Variants in RNF150 observed in about 807,000 individuals in gnomAD.
RNF150 encodes the protein ring finger protein 150.
Under a neutral mutation model 39.3 loss-of-function variants are expected in RNF150, and 24 were observed. The observed-to-expected ratio is 0.61, with a 90% CI of 0.44 to 0.86. The LOEUF is 0.86. Among genes scored for constraint, RNF150 ranks in the 40% least tolerant of loss-of-function variants. The pLI is 0.00. For synonymous variants in RNF150, 255 were observed against 227.3 expected (o/e 1.12, Z -1.10); for missense variants, 502 against 587.8 (o/e 0.85, Z 1.51).
chr4:140,951,630 GATAC>G (rs1293617982), intron 2 of RNF150, among the ~76,000 whole-genome samples: 1 of 150,816 alleles, frequency 6.6e-6, no homozygotes, highest in Non-Finnish European at 1.5e-5. Context: ...AACTATAAGT[GATAC>G]ATATTGTAAG....
chr4:141,201,210 A>G (rs916815162), intron 1 of RNF150, among the ~76,000 whole-genome samples: 3 of 151,912 alleles, frequency 2.0e-5, no homozygotes, highest in Non-Finnish European at 4.4e-5. Context: ...TTATATCTGG[A>G]TGCATTCTGG....
At chr4:140,978,447 T>TGAGG (rs1733744456) in intron 1 of RNF150, among the ~76,000 whole-genome samples, 2 of 152,184 alleles carry the variant, frequency 1.3e-5, no homozygotes, top group Non-Finnish European at 1.5e-5. Context: ...CAGCTATACT[T>TGAGG]GAGGTGATCA....
chr4:140,966,768 A>T lies in RNF150; in HGVS notation c.735+855T>A, dbSNP rs144474572. Among the ~76,000 whole-genome samples, 9 of 152,308 alleles carry T rather than the reference A, an allele frequency of 5.9e-5. No homozygotes were observed. In the East Asian group the frequency reaches 1.7e-3, roughly 29 times the overall value. Reference sequence around the variant, plus strand: ...TTGGTTCAACATTTTTTGGCAGACAATGTGGCAGTATCTATCATAGTCTAA... The same window carrying T: ...TTGGTTCAACATTTTTTGGCAGACATTGTGGCAGTATCTATCATAGTCTAA... On this transcript the variant is annotated intron_variant, in intron 2 of 6. Coordinates refer to ENST00000515673, the MANE Select transcript of RNF150 (RefSeq NM_020724.2).
intron 1 of RNF150, among the ~76,000 whole-genome samples, chr4:141,071,169 G>A (rs1325053382): frequency 7.1e-6 from 1 of 140,510 alleles, no homozygotes; most frequent in African/African-American, 2.7e-5. Context: ...ACTCATAGGT[G>A]GGAACTGAAC....
chr4:141,035,868 C>T (rs1483183165), intron 1 of RNF150, among the ~76,000 whole-genome samples: 1 of 152,026 alleles, frequency 6.6e-6, no homozygotes, highest in Non-Finnish European at 1.5e-5. Flanking sequence ...AACACTGGGG[C>T]CAGGCCTGGG....
chr4:141,188,704 A>G (rs1172745324), intron 1 of RNF150, among the ~76,000 whole-genome samples: 1 of 152,232 alleles, frequency 6.6e-6, no homozygotes, highest in African/African-American at 2.4e-5. Flanking sequence ...TCTTCAGGTC[A>G]TTTATGCTCT....
chr4:141,199,527 C>T (rs151199837), intron 1 of RNF150, among the ~76,000 whole-genome samples: 1 of 152,126 alleles, frequency 6.6e-6, no homozygotes, highest in Non-Finnish European at 1.5e-5. Context: ...AGTAGAAACA[C>T]GCTACTGGTA....
intron 1 of RNF150, among the ~76,000 whole-genome samples, chr4:141,078,105 T>C (rs1052223567): frequency 3.9e-5 from 6 of 152,152 alleles, no homozygotes; most frequent in African/African-American, 1.4e-4. Flanking sequence ...TTAAATAAAA[T>C]GTCATCATGC....
rs1202268791 is a variant in RNF150, at chr4:140,861,060, C to G, written c.*7201G>C. 6.6e-6 allele frequency: 1 copy of G among 152,132 alleles called. No individual in the cohort carries two copies. The highest frequency in any genetic ancestry group is 1.5e-5 in the Non-Finnish European group (1 of 68,030). The allele number at this position is 152,132 out of a possible 1,614,324, so 9.4% of individuals were successfully genotyped here. A position where few individuals can be genotyped will look rare whatever the true frequency, so the allele number is the denominator to read the frequency against. ...AAATAACAGTCCCTCCCCACTCCCA[C>G]CCCTACATCTCCTTCTAATTATAAA... On this transcript the variant is annotated 3_prime_UTR_variant, in exon 7 of 7. Coordinates refer to ENST00000515673, the MANE Select transcript of RNF150 (RefSeq NM_020724.2).
At chr4:141,048,431 GA>G (rs1736661129) in intron 1 of RNF150, among the ~76,000 whole-genome samples, 1 of 152,176 alleles carries the variant, frequency 6.6e-6, no homozygotes, top group Non-Finnish European at 1.5e-5. Context: ...ATCAAGGGTG[GA>G]TTAGAACTGT....
intron 1 of RNF150, among the ~76,000 whole-genome samples, chr4:141,177,432 C>T (rs1210341860): frequency 6.6e-6 from 1 of 151,806 alleles, no homozygotes; most frequent in South Asian, 2.1e-4. Flanking sequence ...CTCTCTCTCT[C>T]TCAACATTTT....
chr4:140,951,257 C>T (rs776649980), intron 2 of RNF150, among the ~76,000 whole-genome samples: 3 of 152,126 alleles, frequency 2.0e-5, no homozygotes, highest in Non-Finnish European at 4.4e-5. Flanking sequence ...TCCCTGAGGG[C>T]AGGCCTATGC....
At chr4:141,177,353 A>C (rs1328248970) in intron 1 of RNF150, among the ~76,000 whole-genome samples, 2 of 152,166 alleles carry the variant, frequency 1.3e-5, no homozygotes, top group African/African-American at 4.8e-5. Flanking sequence ...TCTACTGAGG[A>C]TAGATGGGTT....
intron 4 of RNF150, among the ~76,000 whole-genome samples, chr4:140,940,919 C>T (rs1222631149): frequency 1.3e-5 from 2 of 152,186 alleles, no homozygotes; most frequent in Non-Finnish European, 2.9e-5. Context: ...AACCTGCTTT[C>T]TGCCACTGCC....
At chr4:141,076,262 T>C (rs1407706967) in intron 1 of RNF150, among the ~76,000 whole-genome samples, 1 of 152,236 alleles carries the variant, frequency 6.6e-6, no homozygotes, top group East Asian at 1.9e-4. Flanking sequence ...AAATTCATTT[T>C]GCCTCTCTAC....
chr4:141,187,406 T>C (rs1728031726), intron 1 of RNF150, among the ~76,000 whole-genome samples: 1 of 152,200 alleles, frequency 6.6e-6, no homozygotes, highest in Non-Finnish European at 1.5e-5. Context: ...TGAATATCCT[T>C]GTGAATTTTC....
At chr4:141,111,471 T>C (rs2111061504) in intron 1 of RNF150, among the ~76,000 whole-genome samples, 2 of 152,272 alleles carry the variant, frequency 1.3e-5, no homozygotes, top group South Asian at 4.1e-4. Flanking sequence ...AACCATAATG[T>C]ATAAGCTTGC....
At chr4:141,179,700 C>G (rs146661556) in intron 1 of RNF150, among the ~76,000 whole-genome samples, 139 of 152,196 alleles carry the variant, frequency 9.1e-4, no homozygotes, top group African/African-American at 3.2e-3. Flanking sequence ...TAGATATCAG[C>G]CCAGAGCCCT....
chr4:141,081,513 G>A (rs1738146368), intron 1 of RNF150, among the ~76,000 whole-genome samples: 3 of 152,152 alleles, frequency 2.0e-5, no homozygotes, highest in Admixed American at 2.0e-4. Flanking sequence ...ATGTTTGGCA[G>A]CTTTACATTT....
Sources: allele counts gnomAD v4.1 joint callset (sites outside exome capture counted in the v4.1 genomes callset), GRCh38; gene constraint gnomAD v4.1.1; transcripts MANE v1.5; gene names NCBI Gene and HGNC (gene_info 2026-07-23, HGNC 2026-07-21).